The following AMELX variants were observed in gnomAD, a reference collection of about 807,000 sequenced individuals.
The protein encoded by AMELX is amelogenin X-linked, also known as amelogenin, X isoform.
A neutral mutation model predicts 15.8 loss-of-function variants in AMELX; 9 were observed. The ratio of observed to expected loss-of-function variants is 0.57; its 90% confidence interval spans 0.34 to 0.99. AMELX has a LOEUF of 0.99. Among genes scored for constraint, AMELX ranks in the 50% least tolerant of loss-of-function variants. The pLI is 0.02. For missense variants in AMELX, 107 were observed against 156.2 expected (o/e 0.68, Z 1.68); for synonymous variants, 61 against 58.8 (o/e 1.04, Z -0.17).
chrX:11,302,263 C>T (rs1330320768), downstream of AMELX, among the ~76,000 whole-genome samples: 1 of 112,227 alleles, frequency 8.9e-6, no homozygotes, highest in African/African-American at 3.2e-5. Context: ...TTTTATCAGA[C>T]AGCATTGCTC....
intron 3 of AMELX, 59 bp from the exon 4 acceptor site, chrX:11,298,177 T>C (rs1346063797): frequency 8.3e-7 from 1 of 1,206,239 alleles, no homozygotes; most frequent in African/African-American, 1.7e-5. Flanking sequence ...ATCAGTGAGT[T>C]TCTATATTGG....
downstream of AMELX, among the ~76,000 whole-genome samples, chrX:11,302,611 T>A (rs1467973293): frequency 2.7e-5 from 3 of 111,567 alleles, no homozygotes; most frequent in Non-Finnish European, 5.6e-5. Flanking sequence ...GAGGCACACA[T>A]TCACGTTACA....
the AMELX span, among the ~76,000 whole-genome samples, chrX:11,307,472 G>T: frequency 8.9e-6 from 1 of 111,840 alleles, no homozygotes; most frequent in African/African-American, 3.3e-5. Flanking sequence ...CCTTCCATAG[G>T]GTCCTGACTA....
chrX:11,300,856 T>C (rs1315407079), downstream of AMELX: 6 of 283,307 alleles, frequency 2.1e-5, no homozygotes, highest in Non-Finnish European at 6.4e-6. Context: ...GAACTGCTCA[T>C]TTAGTCATAC....
chrX:11,305,904 A>T, the AMELX span, among the ~76,000 whole-genome samples: 99 of 112,202 alleles, frequency 8.8e-4, no homozygotes, highest in South Asian at 1.9e-3. Flanking sequence ...TAAGGAGAGA[A>T]GATGATTAAG....
chrX:11,294,302 A>G (rs778592437), intron 1 of AMELX, among the ~76,000 whole-genome samples: 1 of 112,348 alleles, frequency 8.9e-6, no homozygotes, highest in African/African-American at 3.2e-5. Context: ...TTCTCAAATG[A>G]TTAGTCCTTG....
chrX:11,293,685 T>C (rs1603029246), intron 1 of AMELX, among the ~76,000 whole-genome samples: 1 of 112,026 alleles, frequency 8.9e-6, no homozygotes, highest in East Asian at 2.8e-4. Flanking sequence ...CAAAGGTCTT[T>C]CTTGGCCACA....
At chrX:11,298,301 T>C in intron 4 of AMELX, 24 bp downstream of exon 4, 1 of 1,202,730 alleles carries the variant, frequency 8.3e-7, no homozygotes, top group Non-Finnish European at 1.1e-6. Flanking sequence ...TTGTTCCTTA[T>C]TCCCTGAAAA....
At chrX:11,294,669 C>T (rs1052431081) in intron 1 of AMELX, 108 bp from the exon 2 acceptor site, 1 of 836,549 alleles carries the variant, frequency 1.2e-6, no homozygotes, top group Non-Finnish European at 1.8e-6. Context: ...ATGGCTCCAT[C>T]CTTCTTACTA....
downstream of AMELX, chrX:11,300,797 C>A: frequency 2.2e-6 from 1 of 448,211 alleles, no homozygotes; most frequent in East Asian, 3.7e-5. Flanking sequence ...TTAAATTTTC[C>A]TATCATTTGA....
intron 1 of AMELX, among the ~76,000 whole-genome samples, chrX:11,294,144 A>G (rs1395965410): frequency 8.9e-6 from 1 of 112,569 alleles, no homozygotes; most frequent in East Asian, 2.8e-4. Flanking sequence ...GAAGAATCAC[A>G]TAAAATTCGT....
At chrX:11,308,091 T>G in the AMELX span, among the ~76,000 whole-genome samples, 2 of 112,455 alleles carry the variant, frequency 1.8e-5, no homozygotes, top group Admixed American at 1.9e-4. Context: ...TGCAAATGAA[T>G]TGATGTGGCC....
At chrX:11,297,460 G>A (rs745626684) in intron 3 of AMELX, among the ~76,000 whole-genome samples, 1 of 112,208 alleles carries the variant, frequency 8.9e-6, no homozygotes, top group African/African-American at 3.2e-5. Flanking sequence ...TGTTTGGAGA[G>A]TAATATAGTT....
chrX:11,309,313 C>T, the AMELX span, among the ~76,000 whole-genome samples: 3 of 111,374 alleles, frequency 2.7e-5, no homozygotes, highest in South Asian at 3.9e-4. Flanking sequence ...ATACTCCCCA[C>T]GCAGAGCCCC....
At chrX:11,299,118 G>A in intron 5 of AMELX, 145 bp downstream of exon 5, 1 of 773,237 alleles carries the variant, frequency 1.3e-6, no homozygotes, top group Non-Finnish European at 1.9e-6. Flanking sequence ...CAAGCAATAT[G>A]CTATACCTTT....
downstream of AMELX, among the ~76,000 whole-genome samples, chrX:11,302,350 T>A (rs762805046): frequency 8.9e-5 from 10 of 111,922 alleles, no homozygotes; most frequent in East Asian, 2.8e-3. Context: ...ACAAAACAGA[T>A]TTGCTGGTTG....
At chrX:11,296,971 A>G in intron 3 of AMELX, 145 bp downstream of exon 3, 1 of 869,293 alleles carries the variant, frequency 1.2e-6, no homozygotes, top group Non-Finnish European at 1.7e-6. Context: ...TCCCAGTTTA[A>G]GCTCTGATGG....
chrX:11,306,198 AC>A, the AMELX span, among the ~76,000 whole-genome samples: 1 of 112,100 alleles, frequency 8.9e-6, no homozygotes, highest in South Asian at 3.7e-4. Flanking sequence ...AATGACCAAC[AC>A]CTCAATGTCA....
At chrX:11,300,338 G>A (rs1381266360) in intron 5 of AMELX, among the ~76,000 whole-genome samples, 5 of 111,272 alleles carry the variant, frequency 4.5e-5, no homozygotes, top group Non-Finnish European at 3.8e-5. Flanking sequence ...CTTGGAGCCT[G>A]ACATGCAAGA....
Sources: gnomAD v4.1 joint callset for allele counts (sites outside exome capture counted in the v4.1 genomes callset) on GRCh38, gnomAD v4.1.1 for gene constraint, MANE v1.5 for transcripts, NCBI Gene and HGNC (gene_info 2026-07-23, HGNC 2026-07-21) for gene names.